NCBP3: variants seen among roughly 807,000 people sequenced by gnomAD.
NCBP3 encodes the protein nuclear cap-binding protein subunit 3.
A neutral mutation model predicts 75.7 loss-of-function variants in NCBP3; 20 were observed. The observed-to-expected ratio is 0.26, with a 90% CI of 0.19 to 0.38. The LOEUF is 0.38. NCBP3 is among the 10% of genes least tolerant of loss of function. The pLI is 1.00. For synonymous variants in NCBP3, 293 were observed against 290.5 expected, an observed-to-expected ratio of 1.01 and a Z score of -0.09; for missense variants, 678 against 796.9, an observed-to-expected ratio of 0.85 and a Z score of 1.80.
chr17:3,845,770 G>A (rs570078686), intron 1 of NCBP3, among the ~76,000 whole-genome samples: 23 of 152,176 alleles, frequency 1.5e-4, no homozygotes, highest in Admixed American at 1.2e-3. Context: ...CGGCTCAGAG[G>A]GGGCAGCGGA....
chr17:3,832,637 A>T (rs1489926141), intron 3 of NCBP3, among the ~76,000 whole-genome samples: 14 of 151,728 alleles, frequency 9.2e-5, no homozygotes, highest in Non-Finnish European at 1.5e-4. Context: ...TCTCAAAAAA[A>T]AATAAAATAA....
At chr17:3,814,666 A>G (rs1055804058) in intron 11 of NCBP3, among the ~76,000 whole-genome samples, 183 bp from the exon 12 acceptor site, 1 of 152,134 alleles carries the variant, frequency 6.6e-6, no homozygotes, top group Non-Finnish European at 1.5e-5. Context: ...ATTCGGACAT[A>G]GGGGCTGTCA....
At chr17:3,819,654 A>G (rs1317384428) in intron 9 of NCBP3, among the ~76,000 whole-genome samples, 1 of 152,188 alleles carries the variant, frequency 6.6e-6, no homozygotes, top group Non-Finnish European at 1.5e-5. Flanking sequence ...ACGATTCAGT[A>G]TTTGCTACTT....
intron 3 of NCBP3, among the ~76,000 whole-genome samples, chr17:3,839,732 C>G (rs114606854): frequency 1.6e-4 from 25 of 152,320 alleles, no homozygotes; most frequent in African/African-American, 6.0e-4. Context: ...AAGAAGGTCT[C>G]ACTGTGATAC....
intron 3 of NCBP3, among the ~76,000 whole-genome samples, chr17:3,835,110 G>A (rs1160850730): frequency 6.6e-6 from 1 of 152,204 alleles, no homozygotes; most frequent in Non-Finnish European, 1.5e-5. Context: ...GTAGAGCTAG[G>A]AGCTGAAAGG....
At position 3,825,808 on chromosome 17, in the gene NCBP3, C is replaced by T; in HGVS notation, c.646G>A (p.Glu216Lys). ...TTCTCATCTTCAACCTCTCCTTCTT[C>T]AGCTTCATCATCATCTGAACTGTCT... Reference protein sequence around the residue: ...QEDSSDDDEAEEGEVEDENSS... With the variant: ...QEDSSDDDEAKEGEVEDENSS... The change falls in exon 6 of 13, where the codon GAA becomes AAA. Residue 216 changes from glutamate (E) to lysine (K), a missense_variant. By Grantham distance (56) the Glu-to-Lys change is moderately conservative. Transcript: ENST00000389005. 1 of 1,551,600 alleles carries T rather than the reference C, an allele frequency of 6.4e-7. No homozygotes were observed. The highest frequency in any genetic ancestry group is 8.7e-7 in the Non-Finnish European group (1 of 1,146,982).
intron 3 of NCBP3, among the ~76,000 whole-genome samples, chr17:3,835,167 G>C (rs866191732): frequency 1.8e-4 from 28 of 152,216 alleles, no homozygotes; most frequent in African/African-American, 5.5e-4. Context: ...GCAGAGGTTT[G>C]AAATCAACAA....
chr17:3,815,364 C>T (rs1258684766), intron 11 of NCBP3, among the ~76,000 whole-genome samples: 2 of 152,242 alleles, frequency 1.3e-5, no homozygotes, highest in Non-Finnish European at 2.9e-5. Flanking sequence ...CCGAGTAGAT[C>T]TATGACGGCT....
At chr17:3,835,815 G>A (rs367855364) in intron 3 of NCBP3, among the ~76,000 whole-genome samples, 25 of 152,324 alleles carry the variant, frequency 1.6e-4, no homozygotes, top group African/African-American at 5.1e-4. Context: ...ACACTGAATC[G>A]TTCAAATGTA....
intron 5 of NCBP3, 22 bp downstream of exon 5, chr17:3,826,065 G>A (rs1410281951): frequency 1.9e-6 from 3 of 1,547,648 alleles, no homozygotes; most frequent in Non-Finnish European, 2.6e-6. Flanking sequence ...TCAGACCCCA[G>A]TTCCCTCCTT....
At chr17:3,841,011 G>A (rs1297840764) in intron 2 of NCBP3, among the ~76,000 whole-genome samples, 2 of 151,950 alleles carry the variant, frequency 1.3e-5, no homozygotes, top group Admixed American at 6.6e-5. Context: ...TTTTTGAGAC[G>A]GACTCTCACT....
intron 3 of NCBP3, among the ~76,000 whole-genome samples, chr17:3,832,691 C>G (rs989415718): frequency 6.6e-6 from 1 of 151,878 alleles, no homozygotes; most frequent in Admixed American, 6.6e-5. Flanking sequence ...TCTATTACTA[C>G]CAAGCATGTT....
Position 3,814,340 on chromosome 17 carries a change from T to G in NCBP3, c.1609A>C (p.Thr537Pro). Reference sequence around the variant, plus strand: ...TACCAACCTGATTTCTTCTCCCGAGTATCGGCGTAGAGGCCTTTACTATCC... The same window carrying G: ...TACCAACCTGATTTCTTCTCCCGAGGATCGGCGTAGAGGCCTTTACTATCC... ...RQDSKGLYAD[T>P]REKKSGNLWT... Residue 537 changes from threonine to proline, a missense_variant, in exon 12 of 13, where the codon ACT becomes CCT. Transcript: ENST00000389005. The G allele has an allele frequency of 1.2e-6, 2 of 1,614,078 alleles. No homozygotes were observed. Among genetic ancestry groups the G allele is most frequent in the Non-Finnish European group, 1.7e-6 (2 of 1,179,990 alleles).
In NCBP3 at chr17:3,816,161, G is replaced by A. The variant is rs552061856; in HGVS notation, c.1420C>T (p.Arg474Cys). ...GGTGGCCGTGGACGGGAGTGCTGACGTTTCTCATCTAATAGATGTCGGACA... is the reference window on the plus strand; with the variant it reads ...GGTGGCCGTGGACGGGAGTGCTGACATTTCTCATCTAATAGATGTCGGACA... ...ADVRHLLDEK[R>C]QHSRPRPPVS... is the part of the protein sequence containing the mutation. Residue 474 changes from arginine (R) to cysteine (C), a missense_variant, in exon 11 of 13, where the codon CGT becomes TGT. Physicochemically the swap from Arg to Cys is radical, Grantham distance 180 (BLOSUM62 -3). Coordinates refer to ENST00000389005, the MANE Select transcript of NCBP3 (RefSeq NM_001114118.3). 2.5e-6 allele frequency: 4 copies of A among 1,614,154 alleles called. No individual in the cohort carries two copies. Among genetic ancestry groups the A allele is most frequent in the African/African-American group, 1.3e-5 (1 of 75,044 alleles).
chr17:3,842,250 C>A (rs1413304003), intron 2 of NCBP3, among the ~76,000 whole-genome samples: 2 of 152,116 alleles, frequency 1.3e-5, no homozygotes, highest in Non-Finnish European at 2.9e-5. Context: ...TACAATGAAA[C>A]CCTGTCTCTA....
At chr17:3,826,660 A>AAAAG (rs201979779) in intron 4 of NCBP3, among the ~76,000 whole-genome samples, 1 of 149,384 alleles carries the variant, frequency 6.7e-6, no homozygotes, top group African/African-American at 2.5e-5. Flanking sequence ...AAATAAATAA[A>AAAAG]AAAGAAAGAA....
At chr17:3,814,217 C>T (rs1031404900) in intron 12 of NCBP3, 105 bp downstream of exon 12, 46 of 1,106,612 alleles carry the variant, frequency 4.2e-5, no homozygotes, top group South Asian at 2.9e-4. Flanking sequence ...TTATATTTGG[C>T]GTGGGCTGTT....
intron 4 of NCBP3, among the ~76,000 whole-genome samples, chr17:3,828,874 T>TAATGACA (rs2053830893): frequency 6.6e-6 from 1 of 152,140 alleles, no homozygotes; most frequent in East Asian, 1.9e-4. Context: ...CAGAAGGCAG[T>TAATGACA]AATGACAAAG....
intron 3 of NCBP3, among the ~76,000 whole-genome samples, chr17:3,837,271 G>A (rs1467796742): frequency 6.6e-6 from 1 of 152,058 alleles, no homozygotes; most frequent in Non-Finnish European, 1.5e-5. Context: ...GGCCGAGGCG[G>A]GTGGATCACA....
Sources: gnomAD v4.1 joint callset for allele counts (sites outside exome capture counted in the v4.1 genomes callset) on GRCh38, gnomAD v4.1.1 for gene constraint, MANE v1.5 for transcripts, NCBI Gene and HGNC (gene_info 2026-07-23, HGNC 2026-07-21) for gene names.